The following ECSIT variants were observed in gnomAD, a reference collection of about 807,000 sequenced individuals.
The protein encoded by ECSIT is evolutionarily conserved signaling intermediate in Toll pathway, mitochondrial.
Under a neutral mutation model 36.8 loss-of-function variants are expected in ECSIT, and 29 were observed. The observed-to-expected ratio is 0.79, with a 90% CI of 0.59 to 1.08. ECSIT has a LOEUF of 1.08. Among genes scored for constraint, ECSIT ranks in the 50% least tolerant of loss-of-function variants. The pLI, the probability that ECSIT is intolerant of heterozygous loss-of-function variation, is 0.00. For synonymous variants in ECSIT, 231 were observed against 234.8 expected, an observed-to-expected ratio of 0.98 and a Z score of 0.15; for missense variants, 542 against 581.0, an observed-to-expected ratio of 0.93 and a Z score of 0.69.
At chr19:11,517,578 A>G (rs1467062131) in intron 2 of ECSIT, among the ~76,000 whole-genome samples, 1 of 152,126 alleles carries the variant, frequency 6.6e-6, no homozygotes, top group African/African-American at 2.4e-5. Flanking sequence ...CCTGGGTGAC[A>G]GAGGGAGACT....
At position 11,514,208 on chromosome 19, in the gene ECSIT, A is replaced by T. The variant is rs368419199; in HGVS notation, c.110T>A (p.Leu37His). 6.2e-7 allele frequency: 1 copy of T among 1,603,962 alleles called. No homozygotes were observed. The highest frequency in any genetic ancestry group is 8.5e-7 in the Non-Finnish European group (1 of 1,174,488). ...TGCGCTGCAGTGGAGGCCCCGAGGG[A>T]GCCGGCGAGGGACCTGGGGAGGGAG... The part of the protein sequence containing the change: ...GTSISQVPRR[L>H]PRGLHCSAAA... Residue 37 changes from leucine to histidine, a missense_variant, in exon 3 of 8, where the codon CTC becomes CAC. Transcript: ENST00000270517.
chr19:11,507,282 C>CTTT (rs60161140), intron 7 of ECSIT, among the ~76,000 whole-genome samples, 175 bp downstream of exon 7: 12 of 133,504 alleles, frequency 9.0e-5, no homozygotes, highest in African/African-American at 2.3e-4. Flanking sequence ...AGGTTTTTGC[C>CTTT]TTTTTTTTTT....
At position 11,519,968 on chromosome 19, in the gene ECSIT, TC is replaced by T. The variant is rs1972068838; in HGVS notation, c.-23-776del. On this transcript the variant is annotated intron_variant, in intron 1 of 7. Transcript: ENST00000270517. The surrounding 1 kb of genome is among the most constrained non-coding windows in gnomAD (Gnocchi z 4.4). ...TGGGGAACAACAGCAAAACTCCATC[TC>T]CAGAAAAAAAAAAAAAGAAGAAAAA... 1 of 120,524 alleles carries T rather than the reference TC, an allele frequency of 8.3e-6. No individual in the cohort carries two copies. 7.5% of individuals were successfully genotyped at this position (120,524 alleles called of 1,614,324 possible).
chr19:11,507,219 G>A (rs1317746163), intron 7 of ECSIT, among the ~76,000 whole-genome samples: 1 of 152,126 alleles, frequency 6.6e-6, no homozygotes, highest in Non-Finnish European at 1.5e-5. Context: ...TGACCCCAGA[G>A]GCCGCCCCTC....
At chr19:11,529,041 G>C (rs1000060694) in intron 1 of ECSIT, 21 bp downstream of exon 1, 40 of 152,424 alleles carry the variant, frequency 2.6e-4, no homozygotes, top group African/African-American at 8.9e-4. Flanking sequence ...GTTCGCGTTC[G>C]CCTACCCGCG....
chr19:11,514,359 G>C, intron 2 of ECSIT, 138 bp from the exon 3 acceptor site: 2 of 805,914 alleles, frequency 2.5e-6, no homozygotes, highest in Non-Finnish European at 3.8e-6. Flanking sequence ...ACAAACCCAA[G>C]ATTCGAGGCC....
chr19:11,522,425 C>A, intron 1 of ECSIT: 1 of 1,436,064 alleles, frequency 7.0e-7, no homozygotes, highest in Non-Finnish European at 9.7e-7. Flanking sequence ...ATCAAGTTCC[C>A]GCTGCCCCAC....
intron 1 of ECSIT, chr19:11,523,730 C>A: frequency 1.5e-6 from 1 of 685,092 alleles, no homozygotes; most frequent in Non-Finnish European, 2.7e-6. Context: ...AGAAGGGAAA[C>A]CCTGTAAAGT....
At chr19:11,520,773 A>G (rs2144994393) in intron 1 of ECSIT, among the ~76,000 whole-genome samples, 1 of 148,236 alleles carries the variant, frequency 6.7e-6, no homozygotes, top group East Asian at 2.0e-4. Flanking sequence ...AGCCTCCCGA[A>G]GTGCTGGGAT....
chr19:11,523,667 A>AG, intron 1 of ECSIT: 1 of 756,504 alleles, frequency 1.3e-6, no homozygotes, highest in Non-Finnish European at 2.3e-6. Flanking sequence ...AACTTAATTA[A>AG]GGTTGATGAC....
Position 11,513,047 on chromosome 19 carries a change from G to A in ECSIT, c.738+9C>T. 6.2e-7 allele frequency: 1 copy of A among 1,613,262 alleles called. No homozygotes were observed. Among genetic ancestry groups the A allele is most frequent in the Middle Eastern group, 1.7e-4 (1 of 5,844 alleles). On this transcript the variant is annotated intron_variant, in intron 4 of 7. Coordinates refer to ENST00000270517, the MANE Select transcript of ECSIT (RefSeq NM_016581.5). ...GGTGGCAGCTGACGCTGTAGACAAG[G>A]GCGGATACCTGGTAGATGGTGACCC... is the stretch of plus-strand genomic sequence containing the variant.
At chr19:11,522,446 G>A (rs776146920) in intron 1 of ECSIT, 70 of 1,458,916 alleles carry the variant, frequency 4.8e-5, no homozygotes, top group East Asian at 6.9e-5. Context: ...CAGGTCCTGC[G>A]CCATCAGCAC....
intron 1 of ECSIT, among the ~76,000 whole-genome samples, chr19:11,525,159 T>A (rs1972189061): frequency 6.6e-6 from 1 of 150,676 alleles, no homozygotes; most frequent in African/African-American, 2.4e-5. Flanking sequence ...TAAATAAAAA[T>A]AAACATAAAA....
Position 11,505,933 on chromosome 19 carries a change from C to G in ECSIT, c.*251G>C. 1.1e-6 allele frequency: 1 copy of G among 891,948 alleles called. No individual in the cohort carries two copies. 55.3% of individuals were successfully genotyped at this position (891,948 alleles called of 1,614,324 possible). ...ACCAAGAATGGAAACTGCGCATGCG[C>G]ACAACCAACAGCGCTCCCGCCCCTT... is the stretch of plus-strand genomic sequence containing the variant. On this transcript the variant is annotated 3_prime_UTR_variant, in exon 8 of 8. Coordinates refer to ENST00000270517, the MANE Select transcript of ECSIT (RefSeq NM_016581.5).
chr19:11,510,545 A>AAG (rs531926842), intron 4 of ECSIT: 43 of 150,046 alleles, frequency 2.9e-4, no homozygotes, highest in African/African-American at 5.5e-4. Context: ...CAAAAAAAAA[A>AAG]AGAGAGAGAG....
chr19:11,518,020 C>A (rs909326041), intron 2 of ECSIT, among the ~76,000 whole-genome samples: 29 of 151,910 alleles, frequency 1.9e-4, no homozygotes, highest in Admixed American at 1.6e-3. Context: ...GGTCCAGGCA[C>A]AGTGGCTCAC....
intron 4 of ECSIT, among the ~76,000 whole-genome samples, chr19:11,509,147 A>G (rs1423454154): frequency 6.8e-6 from 1 of 147,242 alleles, no homozygotes; most frequent in African/African-American, 2.5e-5. Flanking sequence ...ATCTCAGCTC[A>G]CCGCAACCTC....
chr19:11,521,153 T>A (rs1217844547), intron 1 of ECSIT, among the ~76,000 whole-genome samples: 4 of 152,202 alleles, frequency 2.6e-5, no homozygotes, highest in Non-Finnish European at 5.9e-5. Flanking sequence ...TAACCATATT[T>A]TATTTATGCA....
In ECSIT at chr19:11,519,771, C is replaced by G. The variant is rs1972064782; in HGVS notation, c.-23-578G>C. On this transcript the variant is annotated intron_variant, in intron 1 of 7. Coordinates refer to ENST00000270517, the MANE Select transcript of ECSIT (RefSeq NM_016581.5). The surrounding 1 kb of genome is among the most constrained non-coding windows in gnomAD (Gnocchi z 4.4). ...TCACTCGAAGTTGGGAGTTCGAGACCAGCCTGACCAACATGGAGAAACCCC... is the reference window on the plus strand; with the variant it reads ...TCACTCGAAGTTGGGAGTTCGAGACGAGCCTGACCAACATGGAGAAACCCC... 1 of 154,044 alleles carries G rather than the reference C, an allele frequency of 6.5e-6. No homozygotes were observed. Among genetic ancestry groups the G allele is most frequent in the Non-Finnish European group, 1.4e-5 (1 of 69,372 alleles). 9.5% of individuals were successfully genotyped at this position (154,044 alleles called of 1,614,324 possible). A position where few individuals can be genotyped will look rare whatever the true frequency, so the allele number is the denominator to read the frequency against.
Sources: allele counts gnomAD v4.1 joint callset (sites outside exome capture counted in the v4.1 genomes callset), GRCh38; gene constraint gnomAD v4.1.1; non-coding constraint Gnocchi (gnomAD v3.1); transcripts MANE v1.5; gene names NCBI Gene and HGNC (gene_info 2026-07-23, HGNC 2026-07-21).